The following SCML4 variants were observed in gnomAD, a reference collection of about 807,000 sequenced individuals.
The protein encoded by SCML4 is sex comb on midleg-like protein 4.
SCML4 carries 34 observed loss-of-function variants against 41.1 expected under a neutral mutation model. That is an observed-to-expected ratio of 0.83 (90% CI 0.63 to 1.10). The LOEUF is 1.10. SCML4 is among the 50% of genes least tolerant of loss of function. The pLI is 0.00. For synonymous variants in SCML4, 214 were observed against 220.9 expected, an observed-to-expected ratio of 0.97 and a Z score of 0.28; for missense variants, 522 against 534.1, an observed-to-expected ratio of 0.98 and a Z score of 0.22.
intron 5 of SCML4, among the ~76,000 whole-genome samples, chr6:107,727,689 G>A (rs756952928): frequency 6.6e-6 from 1 of 152,222 alleles, no homozygotes; most frequent in African/African-American, 2.4e-5. Flanking sequence ...AGAAGCCTTC[G>A]GAAGGGAGAT....
At chr6:107,840,644 T>C in the SCML4 span, among the ~76,000 whole-genome samples, 6 of 152,192 alleles carry the variant, frequency 3.9e-5, no homozygotes, top group African/African-American at 1.4e-4. Context: ...TGTTACATAG[T>C]GATAACTGCT....
At chr6:107,832,689 C>T in the SCML4 span, among the ~76,000 whole-genome samples, 6 of 152,060 alleles carry the variant, frequency 3.9e-5, no homozygotes, top group Non-Finnish European at 8.8e-5. Flanking sequence ...TCTTACTAAG[C>T]AAAAGGGAAG....
intron 1 of SCML4, among the ~76,000 whole-genome samples, chr6:107,818,086 C>G (rs184608517): frequency 6.6e-6 from 1 of 152,226 alleles, no homozygotes; most frequent in African/African-American, 2.4e-5. Context: ...TTCTTCCCCC[C>G]ACTGTTTCTA....
At chr6:107,725,875 G>A (rs1324642080) in intron 5 of SCML4, among the ~76,000 whole-genome samples, 5 of 151,294 alleles carry the variant, frequency 3.3e-5, no homozygotes, top group South Asian at 4.2e-4. Flanking sequence ...TGAGGAGTTC[G>A]AGACCAGCTT....
At chr6:107,784,385 T>A (rs1292712539) in intron 1 of SCML4, among the ~76,000 whole-genome samples, 7 of 152,040 alleles carry the variant, frequency 4.6e-5, no homozygotes, top group Non-Finnish European at 2.9e-5. Flanking sequence ...TGAGAGAGAA[T>A]GACTTTTAAG....
intron 2 of SCML4, among the ~76,000 whole-genome samples, chr6:107,751,626 CTTTCTTTCTTTCTTT>C (rs1778673435): frequency 2.1e-5 from 3 of 145,726 alleles, no homozygotes; most frequent in African/African-American, 7.7e-5. Context: ...TTCTTTCTTT[CTTTCTTTCTTTCTTT>C]CTTTCTTTTT....
intron 1 of SCML4, among the ~76,000 whole-genome samples, chr6:107,789,499 G>A (rs759228536): frequency 2.0e-5 from 3 of 152,172 alleles, no homozygotes; most frequent in Non-Finnish European, 4.4e-5. Context: ...TATGTCCTGC[G>A]TCGTTGACAC....
chr6:107,836,494 T>TGAGAG, the SCML4 span, among the ~76,000 whole-genome samples: 1 of 152,056 alleles, frequency 6.6e-6, no homozygotes, highest in Non-Finnish European at 1.5e-5. Context: ...AGGCCTGGGG[T>TGAGAG]CTTTCCAACC....
At chr6:107,775,269 C>T (rs1476989653) in intron 1 of SCML4, among the ~76,000 whole-genome samples, 1 of 152,230 alleles carries the variant, frequency 6.6e-6, no homozygotes, top group East Asian at 1.9e-4. Context: ...CCCTCTAGTC[C>T]ATGCCTCTCC....
chr6:107,769,067 G>A (rs377408063), intron 2 of SCML4, among the ~76,000 whole-genome samples: 3 of 152,338 alleles, frequency 2.0e-5, no homozygotes, highest in East Asian at 3.9e-4. Context: ...TGTTTCAAAT[G>A]GAGAGGTAAA....
At chr6:107,800,353 G>A (rs144474487) in intron 1 of SCML4, among the ~76,000 whole-genome samples, 1 of 152,132 alleles carries the variant, frequency 6.6e-6, no homozygotes, top group East Asian at 1.9e-4. Context: ...ATTCAAATTT[G>A]CCTACAATTG....
In SCML4 at chr6:107,720,908, G is replaced by A. The variant is rs1358700090; in HGVS notation, c.768C>T (p.Asn256=). Residue 256 remains asparagine (N), a synonymous_variant, in exon 6 of 8, where the codon AAC becomes AAT. Transcript: ENST00000369020. The part of the protein sequence containing the change: ...YSVDTSASTF[N]HRGSLHPSSS... ...AGGAGGGGTGCAAGGAGCCCCTGTG[G>A]TTAAAGGTGGAGGCGGAGGTGTCCA... 5 of 1,614,210 alleles carry A rather than the reference G, an allele frequency of 3.1e-6. 1 individual carries two copies. The South Asian group carries it at 5.5e-5, about 18-fold the overall frequency.
chr6:107,722,234 C>T (rs773788537), intron 5 of SCML4, among the ~76,000 whole-genome samples: 1 of 152,140 alleles, frequency 6.6e-6, no homozygotes, highest in Non-Finnish European at 1.5e-5. Flanking sequence ...GCCTCGGCCT[C>T]CCAAAGTGCT....
the SCML4 span, among the ~76,000 whole-genome samples, chr6:107,845,507 T>C: frequency 6.6e-6 from 1 of 152,204 alleles, no homozygotes; most frequent in Admixed American, 6.5e-5. Flanking sequence ...CCTGGATTCT[T>C]TTTTCTTTTC....
intron 5 of SCML4, among the ~76,000 whole-genome samples, chr6:107,725,964 C>G (rs1236535909): frequency 6.6e-6 from 1 of 151,296 alleles, no homozygotes; most frequent in Non-Finnish European, 1.5e-5. Context: ...GTAATCCCAG[C>G]TGCTTGGGAG....
chr6:107,762,645 A>G (rs915127043), intron 2 of SCML4, among the ~76,000 whole-genome samples: 1 of 152,150 alleles, frequency 6.6e-6, no homozygotes, highest in African/African-American at 2.4e-5. Flanking sequence ...ATGGAAGATG[A>G]TGGGAAGACA....
chr6:107,832,022 C>T, the SCML4 span, among the ~76,000 whole-genome samples: 1 of 149,070 alleles, frequency 6.7e-6, no homozygotes, highest in African/African-American at 2.5e-5. Flanking sequence ...GAGATCGAGC[C>T]ACTGCACTCC....
chr6:107,725,471 T>C (rs1325949115), intron 5 of SCML4, among the ~76,000 whole-genome samples: 16 of 152,202 alleles, frequency 1.1e-4, no homozygotes, highest in Non-Finnish European at 1.5e-5. Context: ...CATGTGTATA[T>C]GTTCAGCTGA....
rs1170414791 is a variant in SCML4, at chr6:107,802,630, GGAAGGAAA to G, written c.-60+21488_-60+21495del. ...AGGAAGGAAGGAAGGAAGGAAGGAA[GGAAGGAAA>G]GAAAATTGGAAAGGCTCCTCCTCTC... On this transcript the variant is annotated intron_variant, in intron 1 of 7. Transcript: ENST00000369020. Among the ~76,000 whole-genome samples, 582 of 139,682 alleles carry G rather than the reference GGAAGGAAA, an allele frequency of 4.2e-3. 16 individuals carry two copies. The highest frequency in any genetic ancestry group is 7.6e-3 in the African/African-American group (273 of 35,856). 91.6% of individuals were successfully genotyped at this position (139,682 alleles called of 152,430 possible). A position where few individuals can be genotyped will look rare whatever the true frequency, so the allele number is the denominator to read the frequency against.
Sources: gnomAD v4.1 joint callset for allele counts (sites outside exome capture counted in the v4.1 genomes callset) on GRCh38, gnomAD v4.1.1 for gene constraint, MANE v1.5 for transcripts, NCBI Gene and HGNC (gene_info 2026-07-23, HGNC 2026-07-21) for gene names.